Variants in CFAP77 observed in about 807,000 individuals in gnomAD.
CFAP77 encodes the protein cilia and flagella associated protein 77.
Under a neutral mutation model 31.1 loss-of-function variants are expected in CFAP77, and 25 were observed. The observed-to-expected ratio is 0.80, with a 90% CI of 0.59 to 1.12. The LOEUF (loss-of-function observed/expected upper bound fraction) is 1.12, where lower values mean the gene tolerates loss of function less well. Ranked by LOEUF, CFAP77 falls within the 50% of genes most tolerant of loss-of-function variation. CFAP77 has a pLI of 0.00. For synonymous variants in CFAP77, 151 were observed against 159.9 expected (o/e 0.94, Z 0.42); for missense variants, 377 against 397.3 (o/e 0.95, Z 0.44).
chr9:132,536,795 C>T (rs1013016362), intron 3 of CFAP77, among the ~76,000 whole-genome samples: 6 of 152,172 alleles, frequency 3.9e-5, no homozygotes, highest in Admixed American at 6.5e-5. Flanking sequence ...GTTGGCCATT[C>T]GCTGCTACAG....
rs966166472 is a variant in CFAP77 at position 132,424,608 on chromosome 9, G to A, written c.195+14142G>A. ...ACTACCAAGAAGGCGGCAGAGGGAG[G>A]TTCCTGGGAAAGGGATGCTGGGATC... On this transcript the variant is annotated intron_variant, in intron 1 of 5. Coordinates refer to ENST00000393216, the MANE Select transcript of CFAP77 (RefSeq NM_001282957.2). The surrounding 1 kb of genome is among the most constrained non-coding windows in gnomAD (Gnocchi z 4.1). Among the ~76,000 whole-genome samples, 2 of 152,162 alleles carry A rather than the reference G, an allele frequency of 1.3e-5. No homozygotes were observed. The highest frequency in any genetic ancestry group is 4.8e-5 in the African/African-American group (2 of 41,428).
chr9:132,413,508 C>T (rs781031469), intron 1 of CFAP77, among the ~76,000 whole-genome samples: 1 of 152,208 alleles, frequency 6.6e-6, no homozygotes, highest in Non-Finnish European at 1.5e-5. Context: ...TCAAATGTGA[C>T]TCTCTGGAAA....
At chr9:132,489,898 G>A (rs1233840162) in intron 1 of CFAP77, among the ~76,000 whole-genome samples, 1 of 152,176 alleles carries the variant, frequency 6.6e-6, no homozygotes, top group Non-Finnish European at 1.5e-5. Flanking sequence ...TCAGAGTGAG[G>A]TTACCAAACG....
At chr9:132,531,124 A>G (rs1809758249) in intron 3 of CFAP77, among the ~76,000 whole-genome samples, 1 of 152,178 alleles carries the variant, frequency 6.6e-6, no homozygotes. Flanking sequence ...CCCAATTTAC[A>G]ATATCCTGAA....
chr9:132,430,901 G>A (rs1478151418), intron 1 of CFAP77, among the ~76,000 whole-genome samples: 1 of 152,150 alleles, frequency 6.6e-6, no homozygotes, highest in Non-Finnish European at 1.5e-5. Flanking sequence ...ACAACAGCAG[G>A]AAATGACTTT....
chr9:132,486,092 T>TA lies in CFAP77; in HGVS notation c.196-12603_196-12602insA, dbSNP rs1564223316. On this transcript the variant is annotated intron_variant, in intron 1 of 5. Transcript: ENST00000393216. ...TATATATATATATATATATATATAT[T>TA]TTTTTTTTTTTTTTTTTTGAGACGG... 2.4e-4 allele frequency among the ~76,000 whole-genome samples: 12 copies of TA among 50,800 alleles called. 1 individual carries two copies. Among genetic ancestry groups the TA allele is most frequent in the Non-Finnish European group, 3.3e-4 (9 of 27,568 alleles). 33.3% of individuals were successfully genotyped at this position (50,800 alleles called of 152,430 possible). A position where few individuals can be genotyped will look rare whatever the true frequency, so the allele number is the denominator to read the frequency against.
chr9:132,482,173 CTCTT>C (rs754913903), intron 1 of CFAP77: 58 of 591,120 alleles, frequency 9.8e-5, no homozygotes, highest in African/African-American at 4.2e-4. Flanking sequence ...TTCCTTTTCT[CTCTT>C]TCTTTCTTTC....
chr9:132,519,288 GTGGA>G (rs1852204733), intron 3 of CFAP77, among the ~76,000 whole-genome samples: 1 of 15,844 alleles, frequency 6.3e-5, no homozygotes, highest in African/African-American at 2.1e-4. Context: ...GGATGGATGG[GTGGA>G]TGGATGAATG....
Position 132,564,643 on chromosome 9 carries a change from GAAAA to G in CFAP77, c.733-7741_733-7738del, listed in dbSNP as rs1016926052. Among the ~76,000 whole-genome samples, 1 of 150,438 alleles carries G rather than the reference GAAAA, an allele frequency of 6.6e-6. No individual in the cohort carries two copies. Among genetic ancestry groups the G allele is most frequent in the Non-Finnish European group, 1.5e-5 (1 of 67,698 alleles). The stretch of plus-strand genomic sequence containing the variant: ...GTGTTATATAAATGCTAATATTGGA[GAAAA>G]AAAGAAAGATGAAAGGTAATTAGCT... On this transcript the variant is annotated intron_variant, in intron 5 of 5. Transcript: ENST00000393216. This position sits in a 1 kb window ranked among gnomAD's most constrained non-coding sequence, Gnocchi z 4.6.
rs1360091218 is a variant in CFAP77, at chr9:132,486,088, ATATT to A, written c.196-12605_196-12602del. Among the ~76,000 whole-genome samples the A allele has an allele frequency of 2.7e-3, 77 of 28,524 alleles. 20 individuals carry two copies. The highest frequency in any genetic ancestry group is 0.014 in the African/African-American group (42 of 2,964). The allele number at this position is 28,524 out of a possible 152,430, so 18.7% of individuals were successfully genotyped here. On this transcript the variant is annotated intron_variant, in intron 1 of 5. Transcript: ENST00000393216. ...TGTGTATATATATATATATATATAT[ATATT>A]TTTTTTTTTTTTTTTTTTGAGACGG...
intron 1 of CFAP77, among the ~76,000 whole-genome samples, chr9:132,459,150 C>T (rs1246236625): frequency 2.0e-5 from 3 of 151,212 alleles, no homozygotes; most frequent in Non-Finnish European, 4.4e-5. Context: ...TGGCTCACTG[C>T]AAGCTCCGCC....
chr9:132,458,401 C>A (rs1431968055), intron 1 of CFAP77, among the ~76,000 whole-genome samples: 1 of 150,886 alleles, frequency 6.6e-6, no homozygotes. Context: ...CCCGCATCTT[C>A]TTTTCTCCAC....
intron 1 of CFAP77, among the ~76,000 whole-genome samples, chr9:132,452,246 T>C (rs1422226153): frequency 6.6e-6 from 1 of 152,236 alleles, no homozygotes; most frequent in African/African-American, 2.4e-5. Context: ...CCAGGGCAGA[T>C]AGAGCTCTTC....
chr9:132,572,670 C>T lies in CFAP77; in HGVS notation c.*160C>T. The T allele has an allele frequency of 1.3e-6, 1 of 758,820 alleles. No individual in the cohort carries two copies. Among genetic ancestry groups the T allele is most frequent in the Non-Finnish European group, 2.0e-6 (1 of 487,974 alleles). The allele number at this position is 758,820 out of a possible 1,614,324, so 47.0% of individuals were successfully genotyped here. A position where few individuals can be genotyped will look rare whatever the true frequency, so the allele number is the denominator to read the frequency against. On this transcript the variant is annotated 3_prime_UTR_variant, in exon 6 of 6. Transcript: ENST00000393216. Reference sequence around the variant, plus strand: ...TAGGCTAATTGTTTTTGGTAAAAGTCCCCCCTTTTAGGTTAGCCAACATTA... The same window carrying T: ...TAGGCTAATTGTTTTTGGTAAAAGTTCCCCCTTTTAGGTTAGCCAACATTA...
At chr9:132,537,289 G>A (rs1852559339) in intron 3 of CFAP77, among the ~76,000 whole-genome samples, 1 of 152,094 alleles carries the variant, frequency 6.6e-6, no homozygotes, top group African/African-American at 2.4e-5. Context: ...CGGGACTCTT[G>A]GCTACAACTG....
intron 3 of CFAP77, among the ~76,000 whole-genome samples, chr9:132,516,593 A>C (rs1852151396): frequency 6.8e-6 from 1 of 147,680 alleles, no homozygotes; most frequent in Non-Finnish European, 1.5e-5. Flanking sequence ...ACAGAAATAC[A>C]CACACACACA....
chr9:132,443,162 C>T (rs973897077), intron 1 of CFAP77, among the ~76,000 whole-genome samples: 1 of 152,076 alleles, frequency 6.6e-6, no homozygotes, highest in Non-Finnish European at 1.5e-5. Flanking sequence ...CTAAATAATA[C>T]TCAATTGTAT....
intron 1 of CFAP77, among the ~76,000 whole-genome samples, chr9:132,469,322 G>A (rs1197281016): frequency 6.6e-6 from 1 of 152,172 alleles, no homozygotes; most frequent in Non-Finnish European, 1.5e-5. Flanking sequence ...TAGTTTTCTG[G>A]TGTTAGCAAG....
Position 132,455,210 on chromosome 9 carries a change from T to C in CFAP77, c.196-43485T>C, listed in dbSNP as rs113161036. Among the ~76,000 whole-genome samples the C allele has an allele frequency of 3.2e-4, 49 of 152,176 alleles. No individual in the cohort carries two copies. The highest frequency in any genetic ancestry group is 1.2e-3 in the African/African-American group (48 of 41,534). ...AGCCCAGTAGTGTGGGGTTCTTACC[T>C]TAAAAAGTGGAACTGGCTGGGTGCT... On this transcript the variant is annotated intron_variant, in intron 1 of 5. Coordinates refer to ENST00000393216, the MANE Select transcript of CFAP77 (RefSeq NM_001282957.2). The surrounding 1 kb of genome is among the most constrained non-coding windows in gnomAD (Gnocchi z 4.1).
Sources: allele counts gnomAD v4.1 joint callset (sites outside exome capture counted in the v4.1 genomes callset), GRCh38; gene constraint gnomAD v4.1.1; non-coding constraint Gnocchi (gnomAD v3.1); transcripts MANE v1.5; gene names NCBI Gene and HGNC (gene_info 2026-07-23, HGNC 2026-07-21).